The following LAMA2 variants were observed in gnomAD, a reference collection of about 807,000 sequenced individuals.
LAMA2 encodes the protein laminin subunit alpha-2.
LAMA2 carries 269 observed loss-of-function variants against 364.8 expected under a neutral mutation model. The observed-to-expected ratio is 0.74, with a 90% CI of 0.67 to 0.82. The LOEUF is 0.82. LAMA2 is among the 40% of genes least tolerant of loss of function. The pLI is 0.00. For missense variants in LAMA2, 3,807 were observed against 3,873.2 expected (o/e 0.98, Z 0.45); for synonymous variants, 1,379 against 1,370.6 (o/e 1.01, Z -0.14).
intron 30 of LAMA2, among the ~76,000 whole-genome samples, chr6:129,346,188 CTT>C (rs1776541097): frequency 6.6e-6 from 1 of 152,176 alleles, no homozygotes; most frequent in African/African-American, 2.4e-5. Context: ...AGATCAGACT[CTT>C]TGAGCATTAG....
chr6:128,923,798 T>C (rs935909619), intron 1 of LAMA2, among the ~76,000 whole-genome samples: 13 of 152,166 alleles, frequency 8.5e-5, no homozygotes, highest in African/African-American at 2.7e-4. Flanking sequence ...TTCTCAATGA[T>C]GCAATGACAA....
intron 42 of LAMA2, among the ~76,000 whole-genome samples, chr6:129,439,813 G>A (rs73775404): frequency 0.03 from 3,835 of 127,034 alleles, 202 homozygotes; most frequent in African/African-American, 0.12. Context: ...TCATTTGCTT[G>A]CATCAATTGG....
intron 12 of LAMA2, among the ~76,000 whole-genome samples, chr6:129,248,159 T>C (rs576983411): frequency 6.6e-6 from 1 of 152,278 alleles, no homozygotes; most frequent in African/African-American, 2.4e-5. Flanking sequence ...GCGAGGGATC[T>C]AGGCTGCACG....
At chr6:129,368,014 G>T (rs908102966) in intron 33 of LAMA2, among the ~76,000 whole-genome samples, 1 of 152,210 alleles carries the variant, frequency 6.6e-6, no homozygotes, top group Non-Finnish European at 1.5e-5. Flanking sequence ...TCTAGTGAAG[G>T]CCTGTTCCTC....
At position 129,082,932 on chromosome 6, in the gene LAMA2, T is replaced by C. The variant is rs138579949; in HGVS notation, c.397-15241T>C. Among the ~76,000 whole-genome samples, 148 of 152,246 alleles carry C rather than the reference T, an allele frequency of 9.7e-4. 1 individual carries two copies. The highest frequency in any genetic ancestry group is 1.6e-4 in the Non-Finnish European group (11 of 67,990). On this transcript the variant is annotated intron_variant, in intron 3 of 64. Transcript: ENST00000421865. ...TTTCCTCATATGTATCTTGAGATTT[T>C]AGTCTAGGTTTTATAACAAGCATAG...
chr6:129,097,742 G>A (rs1354907768), intron 3 of LAMA2, among the ~76,000 whole-genome samples: 2 of 152,134 alleles, frequency 1.3e-5, no homozygotes, highest in Non-Finnish European at 2.9e-5. Flanking sequence ...CTTTTTTGAG[G>A]ATTATGTGAT....
chr6:129,411,974 A>C (rs73774857), intron 40 of LAMA2, among the ~76,000 whole-genome samples: 2,001 of 152,296 alleles, frequency 0.013, 53 homozygotes, highest in African/African-American at 0.046. Flanking sequence ...TTATTTAATA[A>C]AAGTTTTTAA....
chr6:128,966,420 G>A (rs1486969798), intron 1 of LAMA2, among the ~76,000 whole-genome samples: 1 of 152,014 alleles, frequency 6.6e-6, no homozygotes, highest in East Asian at 1.9e-4. Flanking sequence ...ACTTCTTGAA[G>A]ACTGTTCTGT....
intron 4 of LAMA2, among the ~76,000 whole-genome samples, chr6:129,110,851 T>C (rs1776118674): frequency 6.6e-6 from 1 of 152,038 alleles, no homozygotes; most frequent in African/African-American, 2.4e-5. Flanking sequence ...TGTGTGACAC[T>C]GTGTGGATAA....
At chr6:129,274,877 A>C (rs895000312) in intron 17 of LAMA2, among the ~76,000 whole-genome samples, 7 of 151,998 alleles carry the variant, frequency 4.6e-5, no homozygotes, top group Admixed American at 2.0e-4. Flanking sequence ...AGACATGTGA[A>C]TCTCTGCCTT....
chr6:129,327,805 A>C (rs933117293), intron 28 of LAMA2, among the ~76,000 whole-genome samples: 18 of 152,260 alleles, frequency 1.2e-4, no homozygotes, highest in African/African-American at 4.1e-4. Flanking sequence ...TGGATTTCTT[A>C]CTTTTATAGT....
At chr6:128,981,664 C>T (rs1021724269) in intron 1 of LAMA2, among the ~76,000 whole-genome samples, 4 of 151,780 alleles carry the variant, frequency 2.6e-5, no homozygotes, top group African/African-American at 9.7e-5. Context: ...GTGGGAGGAT[C>T]CCTTGAGTTC....
intron 4 of LAMA2, among the ~76,000 whole-genome samples, chr6:129,114,055 AG>A (rs1178181063): frequency 6.6e-6 from 1 of 152,038 alleles, no homozygotes; most frequent in Non-Finnish European, 1.5e-5. Context: ...AGTAATTCCA[AG>A]GATACTAAAA....
chr6:129,289,574 C>T (rs1410640227), intron 19 of LAMA2, among the ~76,000 whole-genome samples: 1 of 152,104 alleles, frequency 6.6e-6, no homozygotes, highest in African/African-American at 2.4e-5. Context: ...CAATAACCCC[C>T]ACCCCCATAA....
intron 47 of LAMA2, among the ~76,000 whole-genome samples, chr6:129,455,650 TAAAAAA>T (rs1782924073): frequency 6.6e-6 from 1 of 152,086 alleles, no homozygotes; most frequent in African/African-American, 2.4e-5. Context: ...ATCAATCACT[TAAAAAA>T]GAAAATGAAA....
chr6:129,200,749 A>G (rs1782235535), intron 12 of LAMA2, among the ~76,000 whole-genome samples: 1 of 152,106 alleles, frequency 6.6e-6, no homozygotes, highest in Non-Finnish European at 1.5e-5. Flanking sequence ...GACCTGAAAA[A>G]ATAGCCCATA....
At chr6:128,930,645 T>C (rs1172669360) in intron 1 of LAMA2, among the ~76,000 whole-genome samples, 1 of 152,096 alleles carries the variant, frequency 6.6e-6, no homozygotes, top group Non-Finnish European at 1.5e-5. Flanking sequence ...GACTTTGGAG[T>C]CTGCAGTTAT....
At chr6:129,411,777 T>C (rs777349364) in intron 40 of LAMA2, among the ~76,000 whole-genome samples, 3 of 152,030 alleles carry the variant, frequency 2.0e-5, no homozygotes, top group African/African-American at 4.8e-5. Flanking sequence ...TCAAAAGGAA[T>C]GTGAACAAAA....
chr6:129,230,636 T>C (rs974196074), intron 12 of LAMA2, among the ~76,000 whole-genome samples: 22 of 152,182 alleles, frequency 1.4e-4, no homozygotes, highest in African/African-American at 5.3e-4. Context: ...GCAAAGAACA[T>C]GGACCAGACA....
Sources: gnomAD v4.1 joint callset for allele counts (sites outside exome capture counted in the v4.1 genomes callset) on GRCh38, gnomAD v4.1.1 for gene constraint, MANE v1.5 for transcripts, NCBI Gene and HGNC (gene_info 2026-07-23, HGNC 2026-07-21) for gene names.